The following LINGO2 variants were observed in gnomAD, a reference collection of about 807,000 sequenced individuals.
LINGO2 encodes leucine rich repeat and Ig domain containing 2, also known as leucine-rich repeat and immunoglobulin-like domain-containing nogo receptor-interacting protein 2.
Under a neutral mutation model 30.6 loss-of-function variants are expected in LINGO2, and 14 were observed. The ratio of observed to expected loss-of-function variants is 0.46; its 90% CI spans 0.30 to 0.72. The LOEUF is 0.72. LINGO2 is among the 30% of genes least tolerant of loss of function. The pLI is 0.07. For synonymous variants in LINGO2, 317 were observed against 288.5 expected, an observed-to-expected ratio of 1.10 and a Z score of -1.00; for missense variants, 729 against 751.7, an observed-to-expected ratio of 0.97 and a Z score of 0.35.
At chr9:28,943,370 T>C in the LINGO2 span, among the ~76,000 whole-genome samples, 1 of 147,564 alleles carries the variant, frequency 6.8e-6, no homozygotes, top group Non-Finnish European at 1.5e-5. Context: ...ATGCTACAGA[T>C]GAAAAAAAAA....
chr9:28,646,098 G>A (rs978694210), intron 1 of LINGO2, among the ~76,000 whole-genome samples: 1 of 151,906 alleles, frequency 6.6e-6, no homozygotes, highest in African/African-American at 2.4e-5. Flanking sequence ...ACTCAAAGTG[G>A]GTATTTCATA....
intron 1 of LINGO2, among the ~76,000 whole-genome samples, chr9:28,542,209 C>G (rs1325881371): frequency 2.0e-5 from 3 of 151,470 alleles, no homozygotes; most frequent in Non-Finnish European, 4.4e-5. Flanking sequence ...TTTCCACTCA[C>G]TTATCAGGTG....
chr9:28,857,773 A>T, the LINGO2 span, among the ~76,000 whole-genome samples: 6 of 152,148 alleles, frequency 3.9e-5, no homozygotes, highest in East Asian at 5.8e-4. Context: ...AAAATATAAA[A>T]TTTTTTACAC....
Position 28,368,031 on chromosome 9 carries a change from T to C in LINGO2, c.-246+4805A>G, listed in dbSNP as rs989898356. Among the ~76,000 whole-genome samples, 38 of 152,314 alleles carry C rather than the reference T, an allele frequency of 2.5e-4. No homozygotes were observed. In the East Asian group the frequency reaches 4.0e-3, roughly 16 times the overall value. On this transcript the variant is annotated intron_variant, in intron 3 of 5. Transcript: ENST00000379992. ...TTTTTTCTTTCTCTTTGTCTCTCTCTATGTACATCTACCTCTATCTCTGTA... is the reference window on the plus strand; with the variant it reads ...TTTTTTCTTTCTCTTTGTCTCTCTCCATGTACATCTACCTCTATCTCTGTA...
chr9:29,126,987 G>T, the LINGO2 span, among the ~76,000 whole-genome samples: 1 of 152,048 alleles, frequency 6.6e-6, no homozygotes, highest in Non-Finnish European at 1.5e-5. Context: ...CAGTCAGACT[G>T]GTCATGGGCC....
intron 3 of LINGO2, among the ~76,000 whole-genome samples, chr9:28,347,638 G>A (rs1216551232): frequency 6.6e-6 from 1 of 152,166 alleles, no homozygotes; most frequent in Non-Finnish European, 1.5e-5. Flanking sequence ...TTAGTTACAT[G>A]TTCGAATAAG....
the LINGO2 span, among the ~76,000 whole-genome samples, chr9:28,848,061 A>G: frequency 1.2e-4 from 6 of 49,742 alleles, 1 homozygote; most frequent in Admixed American, 2.5e-4. Context: ...ATATATATAT[A>G]TGTATATAAT....
the LINGO2 span, among the ~76,000 whole-genome samples, chr9:28,980,664 C>T: frequency 6.6e-6 from 1 of 152,140 alleles, no homozygotes; most frequent in East Asian, 1.9e-4. Context: ...TCTCTCTTCT[C>T]TTTAACTATT....
chr9:28,033,847 T>C (rs987018844), intron 4 of LINGO2, among the ~76,000 whole-genome samples: 1 of 152,184 alleles, frequency 6.6e-6, no homozygotes, highest in African/African-American at 2.4e-5. Context: ...CATGTATAGT[T>C]CACTTGAAGG....
At chr9:28,422,868 G>A (rs1352196198) in intron 2 of LINGO2, among the ~76,000 whole-genome samples, 1 of 151,948 alleles carries the variant, frequency 6.6e-6, no homozygotes, top group Non-Finnish European at 1.5e-5. Flanking sequence ...ATTCTGACAT[G>A]TGCTATAACG....
At chr9:28,934,996 A>C in the LINGO2 span, among the ~76,000 whole-genome samples, 1 of 152,272 alleles carries the variant, frequency 6.6e-6, no homozygotes, top group African/African-American at 2.4e-5. Context: ...TGGCTTGATA[A>C]TCAATTTCTT....
the LINGO2 span, among the ~76,000 whole-genome samples, chr9:29,084,452 T>C: frequency 4.6e-5 from 7 of 152,078 alleles, no homozygotes; most frequent in African/African-American, 1.4e-4. Context: ...TTACACTAGT[T>C]TTAACCTCCA....
the LINGO2 span, among the ~76,000 whole-genome samples, chr9:28,956,911 T>C: frequency 0.52 from 78,401 of 151,010 alleles, 21,451 homozygotes; most frequent in Non-Finnish European, 0.6. Flanking sequence ...TCTTTTTCCA[T>C]ATTGCCATCT....
chr9:29,082,321 A>C, the LINGO2 span, among the ~76,000 whole-genome samples: 56 of 152,216 alleles, frequency 3.7e-4, no homozygotes, highest in Admixed American at 3.6e-3. Flanking sequence ...CAAACACAAG[A>C]AATGGGGAAA....
the LINGO2 span, among the ~76,000 whole-genome samples, chr9:28,768,830 G>A: frequency 6.6e-6 from 1 of 151,990 alleles, no homozygotes; most frequent in Non-Finnish European, 1.5e-5. Flanking sequence ...TAAGCACACA[G>A]TATGACAGAA....
At chr9:28,692,192 C>T in the LINGO2 span, among the ~76,000 whole-genome samples, 984 of 152,150 alleles carry the variant, frequency 6.5e-3, 27 homozygotes, top group Admixed American at 0.035. Context: ...GTGGCAATTT[C>T]GGCCGGGCAT....
intron 1 of LINGO2, among the ~76,000 whole-genome samples, chr9:28,557,315 C>G (rs1367750727): frequency 6.6e-6 from 1 of 151,990 alleles, no homozygotes; most frequent in Non-Finnish European, 1.5e-5. Context: ...AAACAAACAA[C>G]CCCATCAAAA....
intron 2 of LINGO2, among the ~76,000 whole-genome samples, chr9:28,380,601 T>G (rs1821315687): frequency 6.6e-6 from 1 of 151,978 alleles, no homozygotes; most frequent in African/African-American, 2.4e-5. Flanking sequence ...TATAGATGTC[T>G]GGAAAGATGA....
chr9:28,161,713 C>G (rs971851582), intron 4 of LINGO2, among the ~76,000 whole-genome samples: 15 of 151,660 alleles, frequency 9.9e-5, no homozygotes, highest in African/African-American at 3.6e-4. Flanking sequence ...ATTCAGTCAC[C>G]TATAATCTAG....
Sources: gnomAD v4.1 joint callset for allele counts (sites outside exome capture counted in the v4.1 genomes callset) on GRCh38, gnomAD v4.1.1 for gene constraint, MANE v1.5 for transcripts, NCBI Gene and HGNC (gene_info 2026-07-23, HGNC 2026-07-21) for gene names.